Variants in VWC2 observed in about 807,000 individuals in gnomAD.
VWC2 encodes von Willebrand factor C domain containing 2.
A neutral mutation model predicts 29.8 loss-of-function variants in VWC2; 14 were observed. The observed-to-expected ratio is 0.47, with a 90% CI of 0.31 to 0.74. The LOEUF is 0.74. VWC2 is among the 30% of genes least tolerant of loss of function. VWC2 has a pLI of 0.05. For missense variants in VWC2, 457 were observed against 459.8 expected, an observed-to-expected ratio of 0.99 and a Z score of 0.05; for synonymous variants, 213 against 199.0, an observed-to-expected ratio of 1.07 and a Z score of -0.59.
Position 49,916,427 on chromosome 7 carries a change from C to CA in VWC2, c.*4244dup, listed in dbSNP as rs1162313527. ...TATTAGCCATTTTCAATGTCCAGTTCAAGTGCCATTGCTGGTAAGGCTTCT... is the reference window on the plus strand; with the variant it reads ...TATTAGCCATTTTCAATGTCCAGTTCAAAGTGCCATTGCTGGTAAGGCTTCT... On this transcript the variant is annotated 3_prime_UTR_variant, in exon 4 of 4. Coordinates refer to ENST00000340652, the MANE Select transcript of VWC2 (RefSeq NM_198570.5). 6 of 152,208 alleles carry CA rather than the reference C, an allele frequency of 3.9e-5. No individual in the cohort carries two copies. Among genetic ancestry groups the CA allele is most frequent in the Non-Finnish European group, 8.8e-5 (6 of 68,044 alleles). 9.4% of individuals were successfully genotyped at this position (152,208 alleles called of 1,614,324 possible).
intron 3 of VWC2, among the ~76,000 whole-genome samples, chr7:49,906,033 T>C (rs1308313314): frequency 6.6e-6 from 1 of 152,206 alleles, no homozygotes; most frequent in Non-Finnish European, 1.5e-5. Context: ...CATAAATAAT[T>C]GACTCCCTGT....
chr7:49,778,192 T>A (rs1788092136), intron 2 of VWC2, among the ~76,000 whole-genome samples: 1 of 152,130 alleles, frequency 6.6e-6, no homozygotes, highest in Non-Finnish European at 1.5e-5. Context: ...TCTCATTTAA[T>A]TTCCTCTTTG....
At chr7:49,809,358 A>G (rs1788948012) in intron 3 of VWC2, among the ~76,000 whole-genome samples, 1 of 151,946 alleles carries the variant, frequency 6.6e-6, no homozygotes, top group African/African-American at 2.4e-5. Flanking sequence ...AAACAAATAA[A>G]ATACAAATTA....
rs1409407887 is a variant in VWC2 at position 49,912,128 on chromosome 7, C to T, written c.921C>T (p.Gly307=). 6.2e-7 allele frequency: 1 copy of T among 1,614,070 alleles called. No homozygotes were observed. Among genetic ancestry groups the T allele is most frequent in the Non-Finnish European group, 8.5e-7 (1 of 1,180,000 alleles). ...CTICHCTYEE[G]TWRIERQAMC... ...TATGCCACTGTACTTATGAGGAAGG[C>T]ACATGGAGAATCGAGCGGCAGGCCA... Residue 307 remains glycine (G), a synonymous_variant, in exon 4 of 4, where the codon GGC becomes GGT. Transcript: ENST00000340652.
intron 3 of VWC2, among the ~76,000 whole-genome samples, chr7:49,812,790 G>A (rs1459116252): frequency 6.6e-6 from 1 of 152,124 alleles, no homozygotes; most frequent in Non-Finnish European, 1.5e-5. Context: ...CTGATCAGTT[G>A]GCTGCCTGTA....
intron 3 of VWC2, among the ~76,000 whole-genome samples, chr7:49,891,751 C>T (rs1792138031): frequency 6.6e-6 from 1 of 152,234 alleles, no homozygotes; most frequent in Admixed American, 6.5e-5. Flanking sequence ...TGTGACCCAA[C>T]TCTTCCATTC....
rs114602605 is a variant in VWC2, at chr7:49,897,540, T to G, written c.827-14494T>G. ...GTCTGGCATGTAGAAGCTTGGAAGT[T>G]GCAACTCTATCCTAAAAACAGGTAA... On this transcript the variant is annotated intron_variant, in intron 3 of 3. Transcript: ENST00000340652. Among the ~76,000 whole-genome samples, 1,153 of 152,296 alleles carry G rather than the reference T, an allele frequency of 7.6e-3. 23 individuals carry two copies. The highest frequency in any genetic ancestry group is 0.026 in the African/African-American group (1,093 of 41,558).
At position 49,898,147 on chromosome 7, in the gene VWC2, A is replaced by G. The variant is rs182899747; in HGVS notation, c.827-13887A>G. On this transcript the variant is annotated intron_variant, in intron 3 of 3. Coordinates refer to ENST00000340652, the MANE Select transcript of VWC2 (RefSeq NM_198570.5). ...TGTGTGTGTATGTATGTGTGTGTGT[A>G]TATATATGTGTATGCTTTATATGTG... Among the ~76,000 whole-genome samples the G allele has an allele frequency of 4.6e-3, 695 of 151,970 alleles. 4 individuals are homozygous for G. The highest frequency in any genetic ancestry group is 0.016 in the African/African-American group (657 of 41,448).
intron 3 of VWC2, among the ~76,000 whole-genome samples, chr7:49,823,328 A>G (rs1387063520): frequency 1.3e-5 from 2 of 152,172 alleles, no homozygotes; most frequent in African/African-American, 2.4e-5. Flanking sequence ...GAATTATACA[A>G]CCACGAAATG....
intron 2 of VWC2, among the ~76,000 whole-genome samples, chr7:49,779,055 G>GAGAGAGAC (rs1554326476): frequency 6.6e-6 from 1 of 151,204 alleles, no homozygotes; most frequent in Non-Finnish European, 1.5e-5. Context: ...GAGAGAGAGA[G>GAGAGAGAC]AGAGACAGAG....
At chr7:49,790,596 T>C (rs540329972) in intron 2 of VWC2, among the ~76,000 whole-genome samples, 3 of 152,182 alleles carry the variant, frequency 2.0e-5, no homozygotes, top group East Asian at 3.9e-4. Flanking sequence ...AGCTCTCTTT[T>C]TGAGGGAGAA....
chr7:49,849,784 G>C (rs549899141), intron 3 of VWC2, among the ~76,000 whole-genome samples: 28 of 152,304 alleles, frequency 1.8e-4, no homozygotes, highest in African/African-American at 6.3e-4. Context: ...CTTAATAAAA[G>C]TGGCTCCTGC....
chr7:49,850,070 A>G (rs978167202), intron 3 of VWC2, among the ~76,000 whole-genome samples: 1 of 152,230 alleles, frequency 6.6e-6, no homozygotes. Flanking sequence ...GACTAAGCAC[A>G]GTACCACAAC....
chr7:49,801,102 C>T (rs1788727357), intron 2 of VWC2, among the ~76,000 whole-genome samples: 1 of 152,142 alleles, frequency 6.6e-6, no homozygotes, highest in African/African-American at 2.4e-5. Context: ...GGTCTAGTGC[C>T]TCAGAAAGAG....
intron 2 of VWC2, among the ~76,000 whole-genome samples, chr7:49,780,373 A>G (rs1009597592): frequency 3.9e-5 from 6 of 152,208 alleles, no homozygotes; most frequent in Non-Finnish European, 7.3e-5. Context: ...ATTTTGCCTC[A>G]GTGGCCACAT....
At chr7:49,815,553 T>C (rs1217023629) in intron 3 of VWC2, among the ~76,000 whole-genome samples, 1 of 152,204 alleles carries the variant, frequency 6.6e-6, no homozygotes, top group Admixed American at 6.5e-5. Flanking sequence ...AACCTTACAA[T>C]ATTTTAGATG....
chr7:49,900,106 ATATTTTAAACTAAATAAAAATTTAGTT>A (rs1460326521), intron 3 of VWC2, among the ~76,000 whole-genome samples: 22 of 151,890 alleles, frequency 1.4e-4, no homozygotes, highest in South Asian at 4.2e-4. Context: ...AAGTTTAAAA[ATATTTTAAACTAAATAAAAATTTAGTT>A]TATTTTAAAC....
At position 49,776,110 on chromosome 7, in the gene VWC2, T is replaced by C; in HGVS notation, c.675T>C (p.Tyr225=). 6.5e-7 allele frequency: 1 copy of C among 1,537,166 alleles called. No homozygotes were observed. Among genetic ancestry groups the C allele is most frequent in the Non-Finnish European group, 8.7e-7 (1 of 1,145,196 alleles). Residue 225 remains tyrosine (Y), a synonymous_variant, in exon 2 of 4, where the codon TAT becomes TAC. Coordinates refer to ENST00000340652, the MANE Select transcript of VWC2 (RefSeq NM_198570.5). ...KNYCEFRGKT[Y]QTLEEFVVSP... is the part of the protein sequence containing the mutation. ...ACTGCGAGTTCCGGGGCAAGACCTA[T>C]CAGACTTTGGAGGAGTTCGTGGTAA...
chr7:49,842,012 G>A (rs1163810039), intron 3 of VWC2, among the ~76,000 whole-genome samples: 2 of 152,042 alleles, frequency 1.3e-5, no homozygotes, highest in African/African-American at 2.4e-5. Context: ...GATTACAGGT[G>A]CTCGCCACCA....
Sources: gnomAD v4.1 joint callset for allele counts (sites outside exome capture counted in the v4.1 genomes callset) on GRCh38, gnomAD v4.1.1 for gene constraint, MANE v1.5 for transcripts, NCBI Gene and HGNC (gene_info 2026-07-23, HGNC 2026-07-21) for gene names.